The following KLHL1 variants were observed in gnomAD, a reference collection of about 807,000 sequenced individuals.
The protein encoded by KLHL1 is kelch-like protein 1.
A neutral mutation model predicts 77.7 loss-of-function variants in KLHL1; 47 were observed. That is an observed-to-expected ratio of 0.60 (90% CI 0.48 to 0.77). The LOEUF is 0.77. Among genes scored for constraint, KLHL1 ranks in the 30% least tolerant of loss-of-function variants. KLHL1 has a pLI of 0.00. For synonymous variants in KLHL1, 360 were observed against 325.2 expected, an observed-to-expected ratio of 1.11 and a Z score of -1.15; for missense variants, 925 against 910.8, an observed-to-expected ratio of 1.02 and a Z score of -0.20.
Position 69,787,663 on chromosome 13 carries a change from A to T in KLHL1, c.1639+9075T>A, listed in dbSNP as rs1876630238. On this transcript the variant is annotated intron_variant, in intron 7 of 10. Transcript: ENST00000377844. ...ACTAAAGCCAGAATTGACAAATGGG[A>T]TCTAATTAAACTAAAGAGCTTCTGC... 2.0e-5 allele frequency among the ~76,000 whole-genome samples: 3 copies of T among 152,204 alleles called. No individual in the cohort carries two copies. In the South Asian group the frequency reaches 6.2e-4, roughly 32 times the overall value.
At chr13:69,834,907 G>T (rs1029910357) in intron 6 of KLHL1, among the ~76,000 whole-genome samples, 5 of 152,162 alleles carry the variant, frequency 3.3e-5, no homozygotes, top group African/African-American at 1.2e-4. Flanking sequence ...AATTGTTAAT[G>T]AATGGTCATT....
Position 69,820,599 on chromosome 13 carries a change from A to G in KLHL1, c.1414+18377T>C, listed in dbSNP as rs140062963. Among the ~76,000 whole-genome samples the G allele has an allele frequency of 6.0e-3, 914 of 152,360 alleles. 6 individuals carry two copies. The highest frequency in any genetic ancestry group is 0.02 in the African/African-American group (828 of 41,586). ...TGATAATACTAGAAGTGAAATTTGA[A>G]TAGCATCACAGACTTTCATACCAAG... is the stretch of plus-strand genomic sequence containing the variant. On this transcript the variant is annotated intron_variant, in intron 6 of 10. Transcript: ENST00000377844.
At chr13:69,841,127 G>A (rs1457146258) in intron 5 of KLHL1, among the ~76,000 whole-genome samples, 2 of 151,350 alleles carry the variant, frequency 1.3e-5, no homozygotes, top group Non-Finnish European at 2.9e-5. Flanking sequence ...AATAGTTAAA[G>A]CATTACAAAT....
intron 7 of KLHL1, among the ~76,000 whole-genome samples, chr13:69,784,810 G>C (rs2138012931): frequency 6.7e-6 from 1 of 149,908 alleles, no homozygotes; most frequent in Middle Eastern, 3.5e-3. Context: ...CCCAGGAATT[G>C]AACTCAGCTC....
intron 5 of KLHL1, among the ~76,000 whole-genome samples, chr13:69,875,445 G>A (rs1880729530): frequency 6.6e-6 from 1 of 151,988 alleles, no homozygotes; most frequent in Non-Finnish European, 1.5e-5. Context: ...CAAGAAAGAT[G>A]GGATGCAAAA....
chr13:69,865,091 C>T (rs972244352), intron 5 of KLHL1, among the ~76,000 whole-genome samples: 1 of 152,054 alleles, frequency 6.6e-6, no homozygotes, highest in African/African-American at 2.4e-5. Flanking sequence ...GGGCTACAGG[C>T]ATGCATGTAT....
intron 4 of KLHL1, among the ~76,000 whole-genome samples, chr13:69,890,300 C>T (rs962547362): frequency 1.3e-5 from 2 of 151,944 alleles, no homozygotes; most frequent in Non-Finnish European, 2.9e-5. Context: ...ATATTGGTGT[C>T]ATCTGGTCCA....
intron 6 of KLHL1, among the ~76,000 whole-genome samples, chr13:69,804,973 T>G (rs1422616014): frequency 6.6e-6 from 1 of 152,128 alleles, no homozygotes; most frequent in African/African-American, 2.4e-5. Flanking sequence ...ATTTTTTCAA[T>G]GTTTTATAGT....
intron 4 of KLHL1, among the ~76,000 whole-genome samples, chr13:69,927,181 A>G (rs1478552020): frequency 6.6e-6 from 1 of 152,136 alleles, no homozygotes; most frequent in East Asian, 1.9e-4. Flanking sequence ...TTACACACGC[A>G]AAATGTATAC....
At chr13:69,796,425 A>T (rs113602789) in intron 7 of KLHL1, among the ~76,000 whole-genome samples, 8 of 151,814 alleles carry the variant, frequency 5.3e-5, no homozygotes, top group Non-Finnish European at 8.8e-5. Context: ...TTCCCTCAAG[A>T]GCTGGTTGTT....
rs147540937 is a variant in KLHL1, at chr13:69,789,423, G to A, written c.1639+7315C>T. 8.8e-4 allele frequency among the ~76,000 whole-genome samples: 133 copies of A among 151,856 alleles called. 1 individual carries two copies. The highest frequency in any genetic ancestry group is 3.0e-3 in the African/African-American group (123 of 41,406). On this transcript the variant is annotated intron_variant, in intron 7 of 10. Coordinates refer to ENST00000377844, the MANE Select transcript of KLHL1 (RefSeq NM_020866.3). ...TTAGAAAAAATATGACTATTGAGTC[G>A]AGGAATCTGAGATTAAATCCAAAGT...
chr13:70,092,533 A>G (rs535651587), intron 1 of KLHL1, among the ~76,000 whole-genome samples: 31 of 152,308 alleles, frequency 2.0e-4, no homozygotes, highest in African/African-American at 7.5e-4. Flanking sequence ...TATAGCACAC[A>G]GCTTTTATAT....
chr13:69,983,839 A>T (rs1169418400), intron 1 of KLHL1, among the ~76,000 whole-genome samples: 2 of 152,112 alleles, frequency 1.3e-5, no homozygotes, highest in African/African-American at 4.8e-5. Flanking sequence ...AGGCATAAAA[A>T]TAGATACATA....
rs142846510 is a variant in KLHL1 at position 69,965,573 on chromosome 13, A to C, written c.681-4129T>G. Among the ~76,000 whole-genome samples the C allele has an allele frequency of 8.9e-4, 136 of 152,290 alleles. No homozygotes were observed. In the East Asian group the frequency reaches 0.026, roughly 29 times the overall value. On this transcript the variant is annotated intron_variant, in intron 2 of 10. Coordinates refer to ENST00000377844, the MANE Select transcript of KLHL1 (RefSeq NM_020866.3). ...CCCTCTAAGTGTCCAAATGAATGGA[A>C]GTGTTGCATGTCTCTCACTTTAAAT...
At chr13:69,725,592 C>A (rs9542055) in intron 8 of KLHL1, among the ~76,000 whole-genome samples, 7,976 of 152,034 alleles carry the variant, frequency 0.052, 363 homozygotes, top group African/African-American at 0.12. Context: ...GGACAATTAG[C>A]CAAACTCATT....
At chr13:69,726,084 A>G (rs1484747465) in intron 8 of KLHL1, among the ~76,000 whole-genome samples, 1 of 152,076 alleles carries the variant, frequency 6.6e-6, no homozygotes, top group South Asian at 2.1e-4. Context: ...AGTTATTTAC[A>G]ATTTTTCATA....
At chr13:69,820,603 C>A (rs1269444261) in intron 6 of KLHL1, among the ~76,000 whole-genome samples, 1 of 152,164 alleles carries the variant, frequency 6.6e-6, no homozygotes, top group African/African-American at 2.4e-5. Flanking sequence ...ATTTGAATAG[C>A]ATCACAGACT....
intron 6 of KLHL1, among the ~76,000 whole-genome samples, chr13:69,828,613 C>T (rs1409447824): frequency 6.7e-6 from 1 of 150,102 alleles, no homozygotes. Context: ...GGGGTGAGGC[C>T]TAAAAACCTT....
At chr13:69,723,134 A>T (rs1240729221) in intron 8 of KLHL1, among the ~76,000 whole-genome samples, 1 of 152,106 alleles carries the variant, frequency 6.6e-6, no homozygotes, top group East Asian at 1.9e-4. Context: ...TGTCTCATAG[A>T]ATTTGAGAGT....
Sources: allele counts gnomAD v4.1 joint callset (sites outside exome capture counted in the v4.1 genomes callset), GRCh38; gene constraint gnomAD v4.1.1; transcripts MANE v1.5; gene names NCBI Gene and HGNC (gene_info 2026-07-23, HGNC 2026-07-21).